RBFOX1: variants seen among roughly 807,000 people sequenced by gnomAD.
RBFOX1 encodes RNA binding protein fox-1 homolog 1.
RBFOX1 carries 8 observed loss-of-function variants against 57.7 expected under a neutral mutation model. That is an observed-to-expected ratio of 0.14 (90% CI 0.08 to 0.25). The LOEUF is 0.25. RBFOX1 is among the 10% of genes least tolerant of loss of function. RBFOX1 has a pLI of 1.00. For synonymous variants in RBFOX1, 326 were observed against 222.4 expected (o/e 1.47, Z -4.15); for missense variants, 611 against 548.5 (o/e 1.11, Z -1.14).
chr16:7,639,735 C>T (rs2062440976), intron 11 of RBFOX1, among the ~76,000 whole-genome samples: 1 of 152,038 alleles, frequency 6.6e-6, no homozygotes, highest in Non-Finnish European at 1.5e-5. Context: ...ATTAAGTGTC[C>T]CTATTTTCAC....
chr16:6,491,811 C>T (rs1647360551), intron 2 of RBFOX1, among the ~76,000 whole-genome samples: 1 of 152,164 alleles, frequency 6.6e-6, no homozygotes, highest in Non-Finnish European at 1.5e-5. Flanking sequence ...TTCGAAGTCC[C>T]TTTCCCCGTT....
chr16:7,384,291 C>T (rs1446059763), intron 4 of RBFOX1, among the ~76,000 whole-genome samples: 3 of 151,558 alleles, frequency 2.0e-5, no homozygotes, highest in Admixed American at 1.3e-4. Context: ...ATATGAAAAG[C>T]AGGGAAAAGG....
intron 4 of RBFOX1, among the ~76,000 whole-genome samples, chr16:7,128,818 CT>C (rs759893956): frequency 0.2 from 25,220 of 126,492 alleles, 2,794 homozygotes; most frequent in East Asian, 0.49. Context: ...TTTCTTTTTA[CT>C]TTTTTTTTTT....
intron 12 of RBFOX1, among the ~76,000 whole-genome samples, chr16:7,663,491 TGTGTCAGTACAGC>T (rs1172774541): frequency 6.8e-6 from 1 of 148,056 alleles, no homozygotes; most frequent in East Asian, 2.0e-4. Context: ...GCTGCGTGTG[TGTGTCAGTACAGC>T]GTGTGTGTGT....
chr16:6,637,842 T>A (rs982689144), intron 2 of RBFOX1, among the ~76,000 whole-genome samples: 1 of 152,070 alleles, frequency 6.6e-6, no homozygotes, highest in African/African-American at 2.4e-5. Context: ...TGCACTGGAT[T>A]ACAATTCTGA....
chr16:5,657,794 A>G (rs1202872732), intron 3 of RBFOX1, among the ~76,000 whole-genome samples: 1 of 133,604 alleles, frequency 7.5e-6, no homozygotes, highest in Non-Finnish European at 1.5e-5. Context: ...GTACAGTAGC[A>G]CGATCTTGGC....
chr16:6,486,014 T>TTGC (rs1343010947), intron 2 of RBFOX1, among the ~76,000 whole-genome samples: 3 of 129,292 alleles, frequency 2.3e-5, no homozygotes, highest in African/African-American at 1.1e-4. Flanking sequence ...GCTAATTATT[T>TTGC]TTCTTTTTTT....
intron 4 of RBFOX1, among the ~76,000 whole-genome samples, chr16:7,261,948 G>A (rs2094935082): frequency 6.6e-6 from 1 of 152,184 alleles, no homozygotes; most frequent in Admixed American, 6.5e-5. Context: ...ACTAGTTAAG[G>A]GGTGGTAGGG....
chr16:6,370,134 G>A (rs1035691240), intron 2 of RBFOX1, among the ~76,000 whole-genome samples: 1 of 151,968 alleles, frequency 6.6e-6, no homozygotes, highest in Non-Finnish European at 1.5e-5. Flanking sequence ...CGAGGCAGGC[G>A]GATCATGAGA....
At chr16:7,701,323 C>G (rs575591339) in intron 14 of RBFOX1, among the ~76,000 whole-genome samples, 3 of 151,776 alleles carry the variant, frequency 2.0e-5, no homozygotes, top group African/African-American at 7.3e-5. Context: ...GGGTGAGCAA[C>G]GCTTCCTGTT....
At chr16:7,511,591 G>A in intron 4 of RBFOX1, among the ~76,000 whole-genome samples, 1 of 152,108 alleles carries the variant, frequency 6.6e-6, no homozygotes, top group East Asian at 1.9e-4. Context: ...GCTATTTCAT[G>A]CTTCAGTAAA....
intron 1 of RBFOX1, among the ~76,000 whole-genome samples, chr16:6,202,520 A>G (rs1185314828): frequency 6.6e-6 from 1 of 152,004 alleles, no homozygotes. Flanking sequence ...TAACTCATGC[A>G]CCTCTAGAGT....
chr16:5,734,683 T>A (rs909787617), intron 3 of RBFOX1, among the ~76,000 whole-genome samples: 1 of 152,282 alleles, frequency 6.6e-6, no homozygotes, highest in Admixed American at 6.5e-5. Flanking sequence ...AACACCCACA[T>A]TGCTATTGGG....
At chr16:5,607,406 G>A (rs777315695) in intron 3 of RBFOX1, among the ~76,000 whole-genome samples, 1 of 145,854 alleles carries the variant, frequency 6.9e-6, no homozygotes, top group Non-Finnish European at 1.5e-5. Flanking sequence ...AGATAGCGCA[G>A]GGTCTGCCAT....
chr16:6,394,906 GCGTGTT>G (rs1189875325), intron 2 of RBFOX1, among the ~76,000 whole-genome samples: 2 of 152,148 alleles, frequency 1.3e-5, no homozygotes, highest in Admixed American at 6.6e-5. Context: ...GCACTATTAA[GCGTGTT>G]ACTGTTTAAA....
chr16:6,317,156 A>G, intron 2 of RBFOX1, 99 bp downstream of exon 2: 1 of 1,209,582 alleles, frequency 8.3e-7, no homozygotes, highest in South Asian at 1.4e-5. Flanking sequence ...TGAAGTTGTT[A>G]CAAAAACTTT....
At chr16:7,298,403 G>A (rs1005639336) in intron 4 of RBFOX1, among the ~76,000 whole-genome samples, 16 of 149,356 alleles carry the variant, frequency 1.1e-4, no homozygotes, top group African/African-American at 1.5e-4. Flanking sequence ...ATTCTCATGC[G>A]TCTGCCTCCC....
intron 1 of RBFOX1, among the ~76,000 whole-genome samples, chr16:6,089,521 A>G (rs1021616753): frequency 6.6e-6 from 1 of 152,236 alleles, no homozygotes; most frequent in African/African-American, 2.4e-5. Flanking sequence ...TAAATCTTAG[A>G]CTAAAATCTG....
At chr16:6,454,790 C>T (rs1462200957) in intron 2 of RBFOX1, among the ~76,000 whole-genome samples, 1 of 151,862 alleles carries the variant, frequency 6.6e-6, no homozygotes, top group African/African-American at 2.4e-5. Flanking sequence ...CCCTCCCTCC[C>T]CTTGCTTCTT....
Sources: allele counts gnomAD v4.1 joint callset (sites outside exome capture counted in the v4.1 genomes callset), GRCh38; gene constraint gnomAD v4.1.1; transcripts MANE v1.5; gene names NCBI Gene and HGNC (gene_info 2026-07-23, HGNC 2026-07-21).